The following SGPP2 variants were observed in gnomAD, a reference collection of about 807,000 sequenced individuals.
SGPP2 encodes the protein sphingosine-1-phosphate phosphatase 2.
A neutral mutation model predicts 33.9 loss-of-function variants in SGPP2; 30 were observed. That is an observed-to-expected ratio of 0.89 (90% CI 0.66 to 1.20). The LOEUF (loss-of-function observed/expected upper bound fraction) is 1.20, where lower values mean the gene tolerates loss of function less well. Ranked by LOEUF, SGPP2 falls within the 50% of genes most tolerant of loss-of-function variation. SGPP2 has a pLI of 0.00. For missense variants in SGPP2, 458 were observed against 532.1 expected, an observed-to-expected ratio of 0.86 and a Z score of 1.37; for synonymous variants, 233 against 225.0, an observed-to-expected ratio of 1.04 and a Z score of -0.32.
intron 1 of SGPP2, among the ~76,000 whole-genome samples, chr2:222,434,975 TACAC>T (rs71053082): frequency 0.01 from 1,524 of 146,080 alleles, 33 homozygotes; most frequent in African/African-American, 0.031. Context: ...TGGAGATATA[TACAC>T]ACACACACAC....
chr2:222,511,967 C>T (rs1187602527), intron 2 of SGPP2, among the ~76,000 whole-genome samples: 1 of 152,044 alleles, frequency 6.6e-6, no homozygotes, highest in Non-Finnish European at 1.5e-5. Flanking sequence ...TATGAGCCAC[C>T]ATGCCTGGCC....
At chr2:222,505,230 G>T (rs4674661) in intron 2 of SGPP2, among the ~76,000 whole-genome samples, 136,103 of 152,206 alleles carry the variant, frequency 0.89, 61,305 homozygotes, top group East Asian at 1. Context: ...GCTGGGAGAT[G>T]AAACAACCAT....
At chr2:222,439,944 A>AGGAAGTATT (rs1308968168) in intron 1 of SGPP2, among the ~76,000 whole-genome samples, 1 of 152,188 alleles carries the variant, frequency 6.6e-6, no homozygotes, top group East Asian at 1.9e-4. Context: ...TTATGTAAGA[A>AGGAAGTATT]GGAAGTATTG....
rs142275106 is a variant in SGPP2 at position 222,485,448 on chromosome 2, C to T, written c.378+10722C>T. On this transcript the variant is annotated intron_variant, in intron 2 of 4. Transcript: ENST00000321276. Reference sequence around the variant, plus strand: ...AGAGCATCACAGGGACCTAGCAGGGCGGAGAAGGGCTTTGGTACTTTTGTT... The same window carrying T: ...AGAGCATCACAGGGACCTAGCAGGGTGGAGAAGGGCTTTGGTACTTTTGTT... 2.9e-3 allele frequency among the ~76,000 whole-genome samples: 439 copies of T among 152,260 alleles called. 5 individuals are homozygous for T. Among genetic ancestry groups the T allele is most frequent in the South Asian group, 1.7e-3 (8 of 4,828 alleles).
chr2:222,498,641 G>A (rs1353298832), intron 2 of SGPP2, among the ~76,000 whole-genome samples: 4 of 152,060 alleles, frequency 2.6e-5, no homozygotes, highest in Admixed American at 6.6e-5. Flanking sequence ...CAGACTCTGG[G>A]CCACACAAAG....
chr2:222,501,566 C>G (rs1176963375), intron 2 of SGPP2, among the ~76,000 whole-genome samples: 1 of 152,160 alleles, frequency 6.6e-6, no homozygotes, highest in African/African-American at 2.4e-5. Flanking sequence ...GATGTTGAGC[C>G]TAAAATCAGA....
chr2:222,438,222 C>T (rs1697273559), intron 1 of SGPP2, among the ~76,000 whole-genome samples: 1 of 152,204 alleles, frequency 6.6e-6, no homozygotes, highest in Admixed American at 6.5e-5. Context: ...ACAGGCCCCA[C>T]ACCACTGGAC....
rs200259640 is a variant in SGPP2, at chr2:222,501,561, T to C, written c.379-20206T>C. On this transcript the variant is annotated intron_variant, in intron 2 of 4. Transcript: ENST00000321276. Reference sequence around the variant, plus strand: ...ATTAGGTGTTCGATGTTAATGATGTTGAGCCTAAAATCAGACTCTTGGTCA... The same window carrying C: ...ATTAGGTGTTCGATGTTAATGATGTCGAGCCTAAAATCAGACTCTTGGTCA... 6.6e-5 allele frequency among the ~76,000 whole-genome samples: 10 copies of C among 152,322 alleles called. No individual in the cohort carries two copies. In the East Asian group the frequency reaches 1.9e-3, roughly 29 times the overall value.
At chr2:222,449,528 G>A (rs552984586) in intron 1 of SGPP2, among the ~76,000 whole-genome samples, 1 of 149,282 alleles carries the variant, frequency 6.7e-6, no homozygotes, top group African/African-American at 2.5e-5. Flanking sequence ...GGAGTGCAGT[G>A]GTGCGATCTC....
At chr2:222,442,896 A>G (rs1697347677) in intron 1 of SGPP2, among the ~76,000 whole-genome samples, 1 of 152,208 alleles carries the variant, frequency 6.6e-6, no homozygotes, top group African/African-American at 2.4e-5. Context: ...CAAGCTCAGC[A>G]GGAGTCAATA....
In SGPP2 at chr2:222,465,619, C is replaced by T. The variant is rs988010706; in HGVS notation, c.220-8949C>T. ...AAAAAACAAAAGAATTAAAGCAGGG[C>T]TTCATCCCACTGTTTCAGAGCCAAA... is the stretch of plus-strand genomic sequence containing the variant. On this transcript the variant is annotated intron_variant, in intron 1 of 4. Transcript: ENST00000321276. The surrounding 1 kb of genome is among the most constrained non-coding windows in gnomAD (Gnocchi z 4.1). 1.3e-5 allele frequency among the ~76,000 whole-genome samples: 2 copies of T among 152,166 alleles called. No individual in the cohort carries two copies. The highest frequency in any genetic ancestry group is 1.3e-4 in the Admixed American group (2 of 15,274).
intron 2 of SGPP2, among the ~76,000 whole-genome samples, chr2:222,506,145 T>C (rs1036858825): frequency 6.6e-6 from 1 of 152,290 alleles, no homozygotes; most frequent in Middle Eastern, 3.4e-3. Context: ...TGAGCACAAG[T>C]GTTCTGATTA....
At chr2:222,426,765 T>A (rs191942372) in intron 1 of SGPP2, among the ~76,000 whole-genome samples, 418 of 152,340 alleles carry the variant, frequency 2.7e-3, no homozygotes, top group East Asian at 1.2e-3. Flanking sequence ...TGGTTTCAAA[T>A]GACTTGGGAA....
chr2:222,532,027 C>G (rs1166196707), intron 4 of SGPP2, among the ~76,000 whole-genome samples: 1 of 152,142 alleles, frequency 6.6e-6, no homozygotes, highest in Non-Finnish European at 1.5e-5. Context: ...AATCTCAGCA[C>G]TTTGGGAGGC....
chr2:222,532,370 A>AT (rs1698851784), intron 4 of SGPP2, among the ~76,000 whole-genome samples: 2 of 152,080 alleles, frequency 1.3e-5, no homozygotes, highest in African/African-American at 4.8e-5. Flanking sequence ...GAGAGAAATA[A>AT]TTTGCTTATC....
chr2:222,488,945 G>T (rs1369825534), intron 2 of SGPP2, among the ~76,000 whole-genome samples: 1 of 152,118 alleles, frequency 6.6e-6, no homozygotes, highest in African/African-American at 2.4e-5. Flanking sequence ...CAAATACATA[G>T]CAATTTGATT....
At chr2:222,537,795 C>A (rs1265779130) in intron 4 of SGPP2, among the ~76,000 whole-genome samples, 2 of 152,094 alleles carry the variant, frequency 1.3e-5, no homozygotes, top group Admixed American at 6.5e-5. Flanking sequence ...ATCTAACGTA[C>A]AACAGTAAGG....
chr2:222,529,689 C>T (rs1698812164), intron 4 of SGPP2, among the ~76,000 whole-genome samples: 2 of 152,208 alleles, frequency 1.3e-5, no homozygotes, highest in South Asian at 4.1e-4. Flanking sequence ...TCGTAACCCC[C>T]TCAAAGTTAT....
intron 2 of SGPP2, among the ~76,000 whole-genome samples, chr2:222,516,443 T>C (rs1341633612): frequency 6.6e-6 from 1 of 152,250 alleles, no homozygotes; most frequent in Non-Finnish European, 1.5e-5. Flanking sequence ...AATTGGGTTG[T>C]TTCCAGTTTG....
Sources: gnomAD v4.1 joint callset for allele counts (sites outside exome capture counted in the v4.1 genomes callset) on GRCh38, gnomAD v4.1.1 for gene constraint, Gnocchi (gnomAD v3.1) non-coding constraint, MANE v1.5 for transcripts, NCBI Gene and HGNC (gene_info 2026-07-23, HGNC 2026-07-21) for gene names.